The following GLUL variants were observed in gnomAD, a reference collection of about 807,000 sequenced individuals.
GLUL encodes the protein glutamate-ammonia ligase.
GLUL carries 8 observed loss-of-function variants against 36.9 expected under a neutral mutation model. The observed-to-expected ratio is 0.22, with a 90% confidence interval of 0.13 to 0.39. The LOEUF (loss-of-function observed/expected upper bound fraction) is 0.39. Among genes scored for constraint, GLUL ranks in the 10% least tolerant of loss-of-function variants. The pLI is 1.00. For synonymous variants in GLUL, 182 were observed against 172.8 expected, an observed-to-expected ratio of 1.05 and a Z score of -0.42; for missense variants, 315 against 501.8, an observed-to-expected ratio of 0.63 and a Z score of 3.56.
rs1336996233 is a variant in GLUL, at chr1:182,387,128, C to T, written c.328+3G>A. 1 of 1,611,514 alleles carries T rather than the reference C, an allele frequency of 6.2e-7. No individual in the cohort carries two copies. Among genetic ancestry groups the T allele is most frequent in the Admixed American group, 1.7e-5 (1 of 60,014 alleles). On this transcript the variant is annotated splice_donor_region_variant and intron_variant, in intron 3 of 6. Transcript: ENST00000331872. ...GGGTATCCATAGCTGTGCTATAACA[C>T]ACCTGCAGGCCTTCGATTGTACTTG...
rs1025346479 is a variant in GLUL at position 182,390,434 on chromosome 1, G to A, written c.-14+1245C>T. On this transcript the variant is annotated intron_variant, in intron 1 of 6. Transcript: ENST00000331872. ...TTACGTGGGGGAAATGGATTCTGAA[G>A]TTTTCAGCAGTTTCTGCAGCTCCCA... 5 of 398,536 alleles carry A rather than the reference G, an allele frequency of 1.3e-5. No individual in the cohort carries two copies. The East Asian group carries it at 1.8e-4, about 14-fold the overall frequency. The allele number at this position is 398,536 out of a possible 1,614,324, so 24.7% of individuals were successfully genotyped here.
At chr1:182,389,049 T>C in intron 1 of GLUL, 4 of 379,798 alleles carry the variant, frequency 1.1e-5, no homozygotes, top group South Asian at 8.6e-5. Context: ...TGCCTCTGCA[T>C]CCCTGAGCTC....
chr1:182,388,457 GA>G lies in GLUL; in HGVS notation c.166+114del, dbSNP rs1182797775. The G allele has an allele frequency of 6.4e-6, 6 of 933,844 alleles. No homozygotes were observed. The Admixed American group carries it at 1.1e-4, about 17-fold the overall frequency. 57.8% of individuals were successfully genotyped at this position (933,844 alleles called of 1,614,324 possible). A position where few individuals can be genotyped will look rare whatever the true frequency, so the allele number is the denominator to read the frequency against. On this transcript the variant is annotated intron_variant, in intron 2 of 6. Transcript: ENST00000331872. ...ATAAAGTCTGAAAAGCCCTGCCTTA[GA>G]AAACCTTTACAAACAGAAGAAAGAG...
Position 182,383,663 on chromosome 1 carries a change from AC to A in GLUL, c.*741del, listed in dbSNP as rs1650035105. 1 of 152,190 alleles carries A rather than the reference AC, an allele frequency of 6.6e-6. No individual in the cohort carries two copies. The highest frequency in any genetic ancestry group is 2.4e-5 in the African/African-American group (1 of 41,396). The allele number at this position is 152,190 out of a possible 1,614,324, so 9.4% of individuals were successfully genotyped here. On this transcript the variant is annotated 3_prime_UTR_variant, in exon 7 of 7. Transcript: ENST00000331872. ...TTTGTCTCAAATTTGGTGCCCCGTG[AC>A]CTGGATGGTTTTTTCCTTTAGCAAA...
At position 182,380,674 on chromosome 1, in the gene GLUL, A is replaced by C. The variant is rs1649896971; in HGVS notation, c.*3731T>G. Among the ~76,000 whole-genome samples the C allele has an allele frequency of 6.6e-6, 1 of 152,250 alleles. No homozygotes were observed. Among genetic ancestry groups the C allele is most frequent in the South Asian group, 2.1e-4 (1 of 4,834 alleles). On this transcript the variant is annotated 3_prime_UTR_variant, in exon 7 of 7. Transcript: ENST00000331872. ...GAGTTAAAATACAGTCAAACAACAA[A>C]GACCTCATAGAGTTAAAGCTCACAA... is the stretch of plus-strand genomic sequence containing the variant.
chr1:182,390,839 G>C (rs1452688663), intron 1 of GLUL: 3 of 399,110 alleles, frequency 7.5e-6, no homozygotes, highest in Non-Finnish European at 1.3e-5. Context: ...CTTGCGGCTG[G>C]GGGAGGATCC....
rs1275475705 is a variant in GLUL at position 182,391,673 on chromosome 1, G to A, written c.-14+6C>T. On this transcript the variant is annotated splice_donor_region_variant and intron_variant, in intron 1 of 6. Coordinates refer to ENST00000331872, the MANE Select transcript of GLUL (RefSeq NM_001033044.4). ...TTGCGTGACACCGGGCCGTCCGGGG[G>A]CTTACCTGGTCGCCGAGCAGGCGGG... 2 of 156,578 alleles carry A rather than the reference G, an allele frequency of 1.3e-5. No homozygotes were observed. Among genetic ancestry groups the A allele is most frequent in the Admixed American group, 6.5e-5 (1 of 15,382 alleles). 9.7% of individuals were successfully genotyped at this position (156,578 alleles called of 1,614,324 possible).
intron 1 of GLUL, chr1:182,389,047 C>T: frequency 7.9e-6 from 3 of 380,620 alleles, no homozygotes; most frequent in South Asian, 6.4e-5. Flanking sequence ...AATGCCTCTG[C>T]ATCCCTGAGC....
Position 182,384,549 on chromosome 1 carries a change from G to A in GLUL, c.978C>T (p.Pro326=), listed in dbSNP as rs769048905. 2 of 1,614,208 alleles carry A rather than the reference G, an allele frequency of 1.2e-6. No homozygotes were observed. The highest frequency in any genetic ancestry group is 1.7e-5 in the Admixed American group (1 of 60,030). ...CCTTCTTCTCCTGGCCAACAGTCCG[G>A]GGAATGCGTATGCTGGCGCTACGAT... is the stretch of plus-strand genomic sequence containing the variant. ...VANRSASIRI[P]RTVGQEKKGY... Residue 326 remains proline, a synonymous_variant, in exon 7 of 7, where the codon CCC becomes CCT. Coordinates refer to ENST00000331872, the MANE Select transcript of GLUL (RefSeq NM_001033044.4).
rs573310682 is a variant in GLUL at position 182,384,258 on chromosome 1, A to C, written c.*147T>G. On this transcript the variant is annotated 3_prime_UTR_variant, in exon 7 of 7. Coordinates refer to ENST00000331872, the MANE Select transcript of GLUL (RefSeq NM_001033044.4). ...ACCCCTCTATCCCAGCCAAACAAAG[A>C]AAGCAAGATTAACTGGGCACATGGA... 133 of 708,442 alleles carry C rather than the reference A, an allele frequency of 1.9e-4. No individual in the cohort carries two copies. Among genetic ancestry groups the C allele is most frequent in the Non-Finnish European group, 2.9e-4 (114 of 387,054 alleles). The allele number at this position is 708,442 out of a possible 1,614,324, so 43.9% of individuals were successfully genotyped here. A position where few individuals can be genotyped will look rare whatever the true frequency, so the allele number is the denominator to read the frequency against.
chr1:182,391,551 A>G (rs1650418972), intron 1 of GLUL, 128 bp downstream of exon 1: 1 of 253,030 alleles, frequency 4.0e-6, no homozygotes, highest in Admixed American at 5.5e-5. Context: ...CATGGGCCGG[A>G]GAGGCCGCAG....
rs1450724497 is a variant in GLUL, at chr1:182,379,319, C to T, written c.*5086G>A. Among the ~76,000 whole-genome samples, 2 of 151,838 alleles carry T rather than the reference C, an allele frequency of 1.3e-5. No individual in the cohort carries two copies. Among genetic ancestry groups the T allele is most frequent in the Non-Finnish European group, 2.9e-5 (2 of 67,964 alleles). ...CTTACTGTAACCTCTGCCTCCCTGGCTCCAGCGATCCTCCTGCCTCAGCCT... is the reference window on the plus strand; with the variant it reads ...CTTACTGTAACCTCTGCCTCCCTGGTTCCAGCGATCCTCCTGCCTCAGCCT... On this transcript the variant is annotated 3_prime_UTR_variant, in exon 7 of 7. Coordinates refer to ENST00000331872, the MANE Select transcript of GLUL (RefSeq NM_001033044.4).
intron 4 of GLUL, 51 bp downstream of exon 4, chr1:182,386,205 T>C (rs1220817476): frequency 2.6e-6 from 4 of 1,549,626 alleles, no homozygotes; most frequent in East Asian, 4.5e-5. Context: ...GGGGCATTCC[T>C]GCACAGTTAG....
chr1:182,390,962 G>A (rs1650389204), intron 1 of GLUL: 2 of 398,056 alleles, frequency 5.0e-6, no homozygotes, highest in South Asian at 1.4e-4. Flanking sequence ...CGAATCTCAG[G>A]GCCTCACGGA....
intron 1 of GLUL, 26 bp from the exon 2 acceptor site, chr1:182,388,776 T>G: frequency 6.4e-7 from 1 of 1,571,976 alleles, no homozygotes; most frequent in East Asian, 2.2e-5. Flanking sequence ...AGAATAACAT[T>G]GTTAACGCCC....
chr1:182,387,650 G>A (rs1446906453), intron 2 of GLUL, among the ~76,000 whole-genome samples: 1 of 152,208 alleles, frequency 6.6e-6, no homozygotes, highest in Non-Finnish European at 1.5e-5. Context: ...ATTAGGTAAT[G>A]TGTTGCATCC....
chr1:182,387,969 T>C (rs867207642), intron 2 of GLUL, among the ~76,000 whole-genome samples: 18 of 152,218 alleles, frequency 1.2e-4, no homozygotes, highest in African/African-American at 3.9e-4. Context: ...AGGTAGGATA[T>C]GATACTTTCC....
At chr1:182,386,102 A>T in intron 4 of GLUL, 154 bp downstream of exon 4, 1 of 900,714 alleles carries the variant, frequency 1.1e-6, no homozygotes, top group Non-Finnish European at 1.9e-6. Context: ...ATATATTCAT[A>T]TCCATTTTTG....
In GLUL at chr1:182,383,761, T is replaced by C. The variant is rs1367856138; in HGVS notation, c.*644A>G. ...TTTAAATATAAAAATACTATTCTGC[T>C]TTGTGTGATAAATCAAGGACCAAGC... is the stretch of plus-strand genomic sequence containing the variant. On this transcript the variant is annotated 3_prime_UTR_variant, in exon 7 of 7. Transcript: ENST00000331872. 1.3e-5 allele frequency: 2 copies of C among 153,336 alleles called. No individual in the cohort carries two copies. The highest frequency in any genetic ancestry group is 2.9e-5 in the Non-Finnish European group (2 of 68,808). 9.5% of individuals were successfully genotyped at this position (153,336 alleles called of 1,614,324 possible).
Sources: allele counts gnomAD v4.1 joint callset (sites outside exome capture counted in the v4.1 genomes callset), GRCh38; gene constraint gnomAD v4.1.1; transcripts MANE v1.5; gene names NCBI Gene and HGNC (gene_info 2026-07-23, HGNC 2026-07-21).